The following MFAP1 variants were observed in gnomAD, a reference collection of about 807,000 sequenced individuals.
The protein encoded by MFAP1 is microfibril associated protein 1, also known as microfibrillar-associated protein 1.
Under a neutral mutation model 62.2 loss-of-function variants are expected in MFAP1, and 18 were observed. The ratio of observed to expected loss-of-function variants is 0.29; its 90% CI spans 0.20 to 0.43. The LOEUF is 0.43. Ranked by LOEUF, MFAP1 falls within the 20% of genes least tolerant of loss-of-function variation. The pLI is 1.00. For missense variants in MFAP1, 355 were observed against 559.7 expected, an observed-to-expected ratio of 0.63 and a Z score of 3.69; for synonymous variants, 175 against 180.4, an observed-to-expected ratio of 0.97 and a Z score of 0.24.
intron 6 of MFAP1, among the ~76,000 whole-genome samples, chr15:43,812,348 T>C (rs1040112086): frequency 3.3e-5 from 5 of 152,156 alleles, no homozygotes; most frequent in Non-Finnish European, 7.3e-5. Flanking sequence ...TAAAGCTAGG[T>C]TGGCCTTGTG....
At chr15:43,811,510 C>CT (rs373931995) in intron 6 of MFAP1, among the ~76,000 whole-genome samples, 185 of 134,522 alleles carry the variant, frequency 1.4e-3, no homozygotes, top group East Asian at 3.8e-3. Flanking sequence ...TTCTTTTTTT[C>CT]TTTTTTTTTT....
chr15:43,819,249 A>G (rs2087452974), intron 1 of MFAP1, among the ~76,000 whole-genome samples: 1 of 152,148 alleles, frequency 6.6e-6, no homozygotes, highest in Non-Finnish European at 1.5e-5. Context: ...AGATAGATAG[A>G]TGAACAATGG....
intron 6 of MFAP1, among the ~76,000 whole-genome samples, chr15:43,812,492 T>C (rs1246111776): frequency 6.6e-6 from 1 of 152,120 alleles, no homozygotes; most frequent in African/African-American, 2.4e-5. Context: ...GAAGGATAAG[T>C]GAGGTATCCT....
Position 43,804,961 on chromosome 15 carries a change from C to G in MFAP1, c.*133G>C. The stretch of plus-strand genomic sequence containing the variant: ...AAAGCACCTTCAAAGTCTGGGCTAC[C>G]CAGTATCACAAGTATAGCAGTAAGT... On this transcript the variant is annotated 3_prime_UTR_variant, in exon 9 of 9. Transcript: ENST00000267812. The G allele has an allele frequency of 1.0e-6, 1 of 992,198 alleles. No homozygotes were observed. The highest frequency in any genetic ancestry group is 1.9e-5 in the South Asian group (1 of 52,972). 61.5% of individuals were successfully genotyped at this position (992,198 alleles called of 1,614,324 possible).
At chr15:43,813,218 G>T (rs756582466) in intron 5 of MFAP1, 31 bp downstream of exon 5, 8 of 1,613,882 alleles carry the variant, frequency 5.0e-6, no homozygotes, top group Non-Finnish European at 5.9e-6. Context: ...ACTATTTCTT[G>T]TACTCATTCC....
intron 2 of MFAP1, among the ~76,000 whole-genome samples, chr15:43,816,888 A>G (rs2087437124): frequency 6.6e-6 from 1 of 152,208 alleles, no homozygotes; most frequent in Admixed American, 6.5e-5. Flanking sequence ...AGTTTATAAA[A>G]CATCTTTGTG....
intron 1 of MFAP1, 28 bp downstream of exon 1, chr15:43,824,463 G>A (rs369248866): frequency 1.9e-6 from 3 of 1,612,038 alleles, no homozygotes; most frequent in Non-Finnish European, 2.5e-6. Context: ...GTTAAAATTC[G>A]ACTGGGAAGA....
chr15:43,816,116 T>C (rs1222532076), intron 2 of MFAP1, among the ~76,000 whole-genome samples: 1 of 152,190 alleles, frequency 6.6e-6, no homozygotes, highest in Non-Finnish European at 1.5e-5. Context: ...ACAGTGCTGA[T>C]TCCAAGGTTT....
intron 3 of MFAP1, 53 bp downstream of exon 3, chr15:43,814,892 C>T: frequency 6.2e-7 from 1 of 1,605,868 alleles, no homozygotes; most frequent in East Asian, 2.2e-5. Context: ...TGAGCACTGG[C>T]ATGAACTTTT....
At chr15:43,806,985 A>G (rs2087370013) in intron 7 of MFAP1, among the ~76,000 whole-genome samples, 1 of 152,150 alleles carries the variant, frequency 6.6e-6, no homozygotes, top group Non-Finnish European at 1.5e-5. Context: ...TTCCCTTCAC[A>G]GCTGATGCTT....
rs1298885574 is a variant in MFAP1, at chr15:43,817,291, A to G, written c.237T>C (p.Asp79=). The G allele has an allele frequency of 3.1e-6, 5 of 1,613,930 alleles. No homozygotes were observed. The highest frequency in any genetic ancestry group is 4.2e-6 in the Non-Finnish European group (5 of 1,180,018). The change falls in exon 2 of 9, where the codon GAT becomes GAC. Residue 79 remains aspartate (D), a synonymous_variant. Transcript: ENST00000267812. ...GCCGTAGCCGGGGGTCACTGGATGA[A>G]TCCTCCTCCTGTTCCTCAGGCTCTG... The part of the protein sequence containing the change: ...QEAEPEEQEE[D]SSSDPRLRRL...
At chr15:43,821,502 G>A (rs2087466790) in intron 1 of MFAP1, among the ~76,000 whole-genome samples, 1 of 152,060 alleles carries the variant, frequency 6.6e-6, no homozygotes, top group South Asian at 2.1e-4. Context: ...GACCCAGGAA[G>A]TACACAGAGA....
At chr15:43,814,915 A>G in intron 3 of MFAP1, 30 bp downstream of exon 3, 5 of 1,609,848 alleles carry the variant, frequency 3.1e-6, no homozygotes, top group South Asian at 1.1e-5. Flanking sequence ...TTATATCCAG[A>G]AAAAAACTTC....
intron 6 of MFAP1, among the ~76,000 whole-genome samples, chr15:43,812,074 C>T (rs2087404839): frequency 6.6e-6 from 1 of 151,882 alleles, no homozygotes; most frequent in South Asian, 2.1e-4. Flanking sequence ...CCTGTAATCC[C>T]AGCTACTTGG....
chr15:43,813,508 CTTTT>C (rs10709037), intron 4 of MFAP1, 151 bp from the exon 5 acceptor site: 5,161 of 245,384 alleles, frequency 0.021, no homozygotes, highest in East Asian at 0.033. Context: ...CATCCCAGGT[CTTTT>C]TTTTTTTTTT....
intron 1 of MFAP1, among the ~76,000 whole-genome samples, chr15:43,821,793 T>C (rs539308342): frequency 5.1e-4 from 77 of 152,216 alleles, no homozygotes; most frequent in African/African-American, 1.8e-3. Flanking sequence ...ATTTAATATA[T>C]ACAAACACTC....
Position 43,814,957 on chromosome 15 carries a change from T to G in MFAP1, c.417A>C (p.Glu139Asp), listed in dbSNP as rs751540629. The change falls in exon 3 of 9, where the codon GAA (glutamate) becomes GAC (aspartate). Residue 139 changes from glutamate (E) to aspartate (D), a missense_variant. By Grantham distance (45) the Glu-to-Asp change is conservative. This residue lies in a region of MFAP1 where 257 missense variants were observed against 341.3 expected (regional missense o/e 0.75). Transcript: ENST00000267812. ...TCCTTTATCATACCTCATCATCAATTTCCTCCTCCTCTTCTTCACTGCTGT... is the reference window on the plus strand; with the variant it reads ...TCCTTTATCATACCTCATCATCAATGTCCTCCTCCTCTTCTTCACTGCTGT... ...REDSSEEEEE[E>D]IDDEEIERRR... 1 of 1,614,004 alleles carries G rather than the reference T, an allele frequency of 6.2e-7. No homozygotes were observed. Among genetic ancestry groups the G allele is most frequent in the Non-Finnish European group, 8.5e-7 (1 of 1,179,992 alleles).
Position 43,814,606 on chromosome 15 carries a change from T to C in MFAP1, c.512A>G (p.Asp171Gly). 1.2e-6 allele frequency: 2 copies of C among 1,614,180 alleles called. No homozygotes were observed. The highest frequency in any genetic ancestry group is 1.1e-5 in the South Asian group (1 of 91,082). The change falls in exon 4 of 9, where the codon GAT becomes GGT. Residue 171 changes from aspartate to glycine, a missense_variant. This residue lies in a region of MFAP1 where 257 missense variants were observed against 341.3 expected (regional missense o/e 0.75). Transcript: ENST00000267812. ...NEEMEVMEVE[D>G]EGRSGEESES... ...TGACTCCTCTCCAGAACGACCCTCA[T>C]CTTCCACTTCCATGACTTCCATCTC...
intron 6 of MFAP1, among the ~76,000 whole-genome samples, chr15:43,811,394 C>T (rs1236321027): frequency 3.7e-5 from 5 of 134,948 alleles, no homozygotes; most frequent in Non-Finnish European, 6.2e-5. Context: ...CCAGCCTGGG[C>T]GACAGAGTGA....
Sources: allele counts gnomAD v4.1 joint callset (sites outside exome capture counted in the v4.1 genomes callset), GRCh38; gene constraint gnomAD v4.1.1; regional missense constraint gnomAD v4.1.1; transcripts MANE v1.5; gene names NCBI Gene and HGNC (gene_info 2026-07-23, HGNC 2026-07-21).